ANO4: variants seen among roughly 807,000 people sequenced by gnomAD.
The protein encoded by ANO4 is anoctamin-4.
In ANO4, 69 loss-of-function variants were observed where a neutral mutation model predicts 141.9. The ratio of observed to expected loss-of-function variants is 0.49; its 90% CI spans 0.40 to 0.59. ANO4 has a LOEUF of 0.59. Among genes scored for constraint, ANO4 ranks in the 20% least tolerant of loss-of-function variants. The probability of loss-of-function intolerance (pLI) is 0.00; values close to 1 mark genes in which losing one functional copy is unlikely to be tolerated. For missense variants in ANO4, 894 were observed against 1,162.2 expected, an observed-to-expected ratio of 0.77 and a Z score of 3.36; for synonymous variants, 350 against 394.3, an observed-to-expected ratio of 0.89 and a Z score of 1.33.
chr12:101,077,906 G>A lies in ANO4; in HGVS notation c.1313-1287G>A, dbSNP rs574502968. ...ATTACCCTCCTTCTTTTGCTTATCC[G>A]GAAATTAAGGCTTAGAAAAGTTAAT... On this transcript the variant is annotated intron_variant, in intron 14 of 27. Transcript: ENST00000392977. Among the ~76,000 whole-genome samples, 23 of 152,128 alleles carry A rather than the reference G, an allele frequency of 1.5e-4. 1 individual carries two copies. The highest frequency in any genetic ancestry group is 4.2e-4 in the South Asian group (2 of 4,812).
intron 3 of ANO4, among the ~76,000 whole-genome samples, chr12:100,758,079 G>C (rs2135517623): frequency 6.6e-6 from 1 of 152,348 alleles, no homozygotes; most frequent in Non-Finnish European, 1.5e-5. Context: ...CTTTGGATCA[G>C]AGACTGGCAA....
At chr12:100,778,269 G>A (rs7968092) in intron 3 of ANO4, among the ~76,000 whole-genome samples, 101,790 of 151,992 alleles carry the variant, frequency 0.67, 34,265 homozygotes, top group East Asian at 0.79. Flanking sequence ...TTTGCCATAG[G>A]AAGAGTTTCA....
At chr12:100,966,209 C>T (rs939793999) in intron 5 of ANO4, among the ~76,000 whole-genome samples, 1 of 152,114 alleles carries the variant, frequency 6.6e-6, no homozygotes, top group African/African-American at 2.4e-5. Flanking sequence ...ACCATACCAC[C>T]AATATGATGT....
At chr12:101,006,573 A>G (rs142400838) in intron 8 of ANO4, among the ~76,000 whole-genome samples, 2 of 152,368 alleles carry the variant, frequency 1.3e-5, no homozygotes, top group East Asian at 3.9e-4. Flanking sequence ...ATCCACTAGC[A>G]AGACAATGAG....
chr12:101,026,015 C>T (rs889184366), intron 9 of ANO4, among the ~76,000 whole-genome samples: 47 of 152,150 alleles, frequency 3.1e-4, no homozygotes, highest in East Asian at 1.2e-3. Flanking sequence ...AGATAATGAA[C>T]GGGACAAGTA....
chr12:101,110,301 G>A, intron 22 of ANO4, 103 bp from the exon 23 acceptor site: 1 of 1,262,758 alleles, frequency 7.9e-7, no homozygotes, highest in Admixed American at 2.8e-5. Flanking sequence ...TCTGTATTGG[G>A]AAAAATGGGA....
intron 10 of ANO4, among the ~76,000 whole-genome samples, chr12:101,039,537 T>C (rs1456721767): frequency 6.6e-6 from 1 of 151,968 alleles, no homozygotes; most frequent in Non-Finnish European, 1.5e-5. Context: ...TAAAAAGAAG[T>C]AGGGAAGAGA....
chr12:101,001,493 C>T (rs1330554105), intron 8 of ANO4, among the ~76,000 whole-genome samples: 2 of 152,280 alleles, frequency 1.3e-5, no homozygotes, highest in Non-Finnish European at 2.9e-5. Context: ...CGCAGAAACT[C>T]AGAAACATTA....
intron 18 of ANO4, among the ~76,000 whole-genome samples, chr12:101,095,355 G>T (rs1175050077): frequency 6.6e-6 from 1 of 152,186 alleles, no homozygotes; most frequent in Non-Finnish European, 1.5e-5. Flanking sequence ...CCCTGTGGTA[G>T]CTTGATCCAG....
At chr12:100,883,765 T>A (rs1436794519) in intron 1 of ANO4, among the ~76,000 whole-genome samples, 1 of 152,232 alleles carries the variant, frequency 6.6e-6, no homozygotes, top group Admixed American at 6.5e-5. Context: ...TAGGAAGCAA[T>A]GTTGACAAAA....
intron 1 of ANO4, among the ~76,000 whole-genome samples, chr12:100,717,925 G>A (rs929163759): frequency 1.5e-4 from 23 of 152,196 alleles, no homozygotes; most frequent in African/African-American, 5.5e-4. Context: ...GTCCCTGACT[G>A]ACCTTGGGCA....
At chr12:101,055,069 T>C (rs1484886391) in intron 14 of ANO4, among the ~76,000 whole-genome samples, 1 of 152,240 alleles carries the variant, frequency 6.6e-6, no homozygotes, top group African/African-American at 2.4e-5. Context: ...ACTTACCAGT[T>C]AATGAATATT....
chr12:101,066,079 C>T (rs899780158), intron 14 of ANO4, among the ~76,000 whole-genome samples: 5 of 152,114 alleles, frequency 3.3e-5, no homozygotes, highest in Admixed American at 1.3e-4. Context: ...ATGATAAAAA[C>T]CCTCAAAAAA....
rs1459788882 is a variant in ANO4, at chr12:100,974,832, G to A, written c.558-13G>A. 6.2e-7 allele frequency: 1 copy of A among 1,613,582 alleles called. No individual in the cohort carries two copies. The highest frequency in any genetic ancestry group is 8.5e-7 in the Non-Finnish European group (1 of 1,179,876). ...TTTCTTCTCGACTGGCTTCATTTTT[G>A]CTGTTCTTCCAGGAGAAAAATCTAT... On this transcript the variant is annotated splice_polypyrimidine_tract_variant and intron_variant, in intron 6 of 27. Transcript: ENST00000392977.
At chr12:101,029,502 A>T (rs2046878966) in intron 9 of ANO4, among the ~76,000 whole-genome samples, 1 of 152,240 alleles carries the variant, frequency 6.6e-6, no homozygotes, top group African/African-American at 2.4e-5. Context: ...GCAAATGGAA[A>T]GCAAAAAAAA....
chr12:101,103,602 T>A (rs1195858726), intron 22 of ANO4, among the ~76,000 whole-genome samples: 1 of 151,862 alleles, frequency 6.6e-6, no homozygotes, highest in Non-Finnish European at 1.5e-5. Flanking sequence ...CCCACTTGGG[T>A]CACCATGCAT....
intron 3 of ANO4, among the ~76,000 whole-genome samples, chr12:100,757,538 T>C (rs1481967606): frequency 1.3e-5 from 2 of 152,222 alleles, no homozygotes; most frequent in African/African-American, 4.8e-5. Context: ...AGGCCTTGGA[T>C]ACCGTATACC....
In ANO4 at chr12:101,042,590, A is replaced by G. The variant is rs1191605229; in HGVS notation, c.1154+122A>G. 5.2e-6 allele frequency: 7 copies of G among 1,350,728 alleles called. No individual in the cohort carries two copies. The African/African-American group carries it at 1.0e-4, about 20-fold the overall frequency. 83.7% of individuals were successfully genotyped at this position (1,350,728 alleles called of 1,614,324 possible). A position where few individuals can be genotyped will look rare whatever the true frequency, so the allele number is the denominator to read the frequency against. ...TTTCACTCAAACTTCCTACCCTCTC[A>G]TGGAAAAACTCAAAGTTTCAGTTCA... is the stretch of plus-strand genomic sequence containing the variant. On this transcript the variant is annotated intron_variant, in intron 12 of 27. Transcript: ENST00000392977.
chr12:100,817,936 C>A (rs2035824768), intron 1 of ANO4, among the ~76,000 whole-genome samples: 1 of 151,644 alleles, frequency 6.6e-6, no homozygotes, highest in South Asian at 2.1e-4. Context: ...GCCTGGAATT[C>A]ATTACCTATA....
Sources: allele counts gnomAD v4.1 joint callset (sites outside exome capture counted in the v4.1 genomes callset), GRCh38; gene constraint gnomAD v4.1.1; transcripts MANE v1.5; gene names NCBI Gene and HGNC (gene_info 2026-07-23, HGNC 2026-07-21).